Variants in MIPEP observed in about 807,000 individuals in gnomAD.
MIPEP encodes the protein mitochondrial intermediate peptidase.
A neutral mutation model predicts 90.3 loss-of-function variants in MIPEP; 79 were observed. That is an observed-to-expected ratio of 0.87 (90% CI 0.73 to 1.05). The LOEUF (loss-of-function observed/expected upper bound fraction) is 1.05. MIPEP is among the 50% of genes least tolerant of loss of function. MIPEP has a pLI of 0.00. For synonymous variants in MIPEP, 334 were observed against 315.8 expected (o/e 1.06, Z -0.61); for missense variants, 940 against 905.6 (o/e 1.04, Z -0.49).
chr13:23,889,283 C>G lies in MIPEP; in HGVS notation c.38G>C (p.Arg13Thr). 7.3e-7 allele frequency: 1 copy of G among 1,373,498 alleles called. No homozygotes were observed. Among genetic ancestry groups the G allele is most frequent in the Admixed American group, 3.7e-5 (1 of 26,724 alleles). The allele number at this position is 1,373,498 out of a possible 1,614,324, so 85.1% of individuals were successfully genotyped here. A position where few individuals can be genotyped will look rare whatever the true frequency, so the allele number is the denominator to read the frequency against. The change falls in exon 1 of 19, where the codon AGA becomes ACA. Residue 13 changes from arginine (R) to threonine (T), a missense_variant. Arg to Thr is a moderately conservative substitution (Grantham distance 71, BLOSUM62 -1). Transcript: ENST00000382172. ...CVGRLGGLGA[R>T]AAALPPRRAG... is the part of the protein sequence containing the mutation. ...CCGGCGGGGCGGCAGAGCTGCTGCT[C>G]TGGCTCCCAAGCCGCCCAGCCTTCC...
intron 18 of MIPEP, chr13:23,747,429 T>TATA (rs1952394779): frequency 2.3e-6 from 1 of 426,294 alleles, no homozygotes. Context: ...GTCCCCTACT[T>TATA]ATTATGCCTG....
At chr13:23,822,815 A>G (rs1203221402) in intron 14 of MIPEP, among the ~76,000 whole-genome samples, 2 of 151,870 alleles carry the variant, frequency 1.3e-5, no homozygotes, top group Non-Finnish European at 2.9e-5. Context: ...TTTTTCCTAA[A>G]TATGGATTGT....
intron 10 of MIPEP, among the ~76,000 whole-genome samples, chr13:23,849,659 C>T (rs1221623937): frequency 1.3e-5 from 2 of 152,180 alleles, no homozygotes; most frequent in African/African-American, 4.8e-5. Flanking sequence ...AAATTAAGAA[C>T]AATAGAATTT....
chr13:23,795,610 A>G (rs1223538813), intron 16 of MIPEP, among the ~76,000 whole-genome samples: 1 of 152,234 alleles, frequency 6.6e-6, no homozygotes, highest in Non-Finnish European at 1.5e-5. Context: ...CTTTTAAGGT[A>G]AAATCATTAT....
rs75309627 is a variant in MIPEP, at chr13:23,865,095, T to C, written c.944-906A>G. Among the ~76,000 whole-genome samples the C allele has an allele frequency of 7.7e-3, 1,174 of 152,310 alleles. 15 individuals are homozygous for C. Among genetic ancestry groups the C allele is most frequent in the African/African-American group, 0.027 (1,114 of 41,560 alleles). On this transcript the variant is annotated intron_variant, in intron 7 of 18. Transcript: ENST00000382172. ...TTTATTAAAATACTTCTGCCATAGT[T>C]GTCATAATTTACAAACCCATAAAGG... is the stretch of plus-strand genomic sequence containing the variant.
chr13:23,799,329 G>GT (rs1953007134), intron 16 of MIPEP, among the ~76,000 whole-genome samples: 2 of 145,568 alleles, frequency 1.4e-5, no homozygotes, highest in African/African-American at 5.1e-5. Context: ...TAATTTTTTT[G>GT]TTTTTGTTTT....
At chr13:23,885,291 C>A (rs867618126) in intron 2 of MIPEP, among the ~76,000 whole-genome samples, 6 of 152,062 alleles carry the variant, frequency 3.9e-5, no homozygotes, top group Admixed American at 6.6e-5. Flanking sequence ...TTACCAGAGG[C>A]TAGGTAGGGT....
At chr13:23,831,136 T>C (rs537697849) in intron 14 of MIPEP, among the ~76,000 whole-genome samples, 7 of 152,102 alleles carry the variant, frequency 4.6e-5, no homozygotes, top group African/African-American at 1.7e-4. Context: ...CTGGGGAAAA[T>C]TCAGTCTGAG....
At chr13:23,736,456 G>C (rs1167403627) in intron 18 of MIPEP, among the ~76,000 whole-genome samples, 1 of 152,080 alleles carries the variant, frequency 6.6e-6, no homozygotes, top group Non-Finnish European at 1.5e-5. Flanking sequence ...AAGAAAAGAT[G>C]GTACAAGCCA....
intron 8 of MIPEP, among the ~76,000 whole-genome samples, chr13:23,862,996 A>C (rs1376358575): frequency 6.6e-6 from 1 of 152,226 alleles, no homozygotes; most frequent in Non-Finnish European, 1.5e-5. Flanking sequence ...TATCAAAGAC[A>C]CAGTGGTTCA....
intron 16 of MIPEP, among the ~76,000 whole-genome samples, chr13:23,780,251 C>T (rs971117956): frequency 1.3e-5 from 2 of 152,186 alleles, no homozygotes; most frequent in African/African-American, 4.8e-5. Context: ...CCCTCTGAGA[C>T]GAAGCTTCCA....
chr13:23,871,693 T>C (rs1870814962), intron 5 of MIPEP, among the ~76,000 whole-genome samples: 1 of 152,224 alleles, frequency 6.6e-6, no homozygotes, highest in African/African-American at 2.4e-5. Context: ...AAAAATTGAG[T>C]ATATATCAAT....
rs1347896790 is a variant in MIPEP at position 23,749,313 on chromosome 13, A to G, written c.2044+7232T>C. 9.2e-5 allele frequency among the ~76,000 whole-genome samples: 14 copies of G among 152,344 alleles called. No individual in the cohort carries two copies. The East Asian group carries it at 2.5e-3, about 27-fold the overall frequency. ...ATTGTGCAAATAACACCAATAGCAAAGCCTTGCACTAAGCATGTTTTGCCT... is the reference window on the plus strand; with the variant it reads ...ATTGTGCAAATAACACCAATAGCAAGGCCTTGCACTAAGCATGTTTTGCCT... On this transcript the variant is annotated intron_variant, in intron 18 of 18. Transcript: ENST00000382172.
At position 23,863,421 on chromosome 13, in the gene MIPEP, T is replaced by C. The variant is rs558302001; in HGVS notation, c.992+720A>G. ...TACAAGTGGAAAATTCCACATGTGA[T>C]GTCATGTGATAGGTTGCAGCCAAAA... On this transcript the variant is annotated intron_variant, in intron 8 of 18. Transcript: ENST00000382172. Among the ~76,000 whole-genome samples, 31 of 152,318 alleles carry C rather than the reference T, an allele frequency of 2.0e-4. No individual in the cohort carries two copies. The South Asian group carries it at 5.8e-3, about 28-fold the overall frequency.
At chr13:23,826,792 GAAAC>G (rs1868472014) in intron 14 of MIPEP, among the ~76,000 whole-genome samples, 1 of 152,126 alleles carries the variant, frequency 6.6e-6, no homozygotes, top group South Asian at 2.1e-4. Flanking sequence ...GTAACAAACT[GAAAC>G]AAACAAAATA....
intron 16 of MIPEP, 51 bp downstream of exon 16, chr13:23,805,899 T>C: frequency 6.3e-7 from 1 of 1,586,150 alleles, no homozygotes; most frequent in Non-Finnish European, 8.6e-7. Flanking sequence ...GCTACAGAAG[T>C]AATAGCAGAA....
chr13:23,772,618 G>A (rs142829980), intron 16 of MIPEP, among the ~76,000 whole-genome samples: 73 of 152,290 alleles, frequency 4.8e-4, no homozygotes, highest in African/African-American at 1.7e-3. Context: ...GAAGGTTTGA[G>A]GTGTAATGTT....
chr13:23,851,953 A>T (rs1869818137), intron 10 of MIPEP, among the ~76,000 whole-genome samples: 1 of 152,216 alleles, frequency 6.6e-6, no homozygotes, highest in Non-Finnish European at 1.5e-5. Flanking sequence ...GTGAGTTATT[A>T]TATGTAACAT....
chr13:23,854,558 T>C (rs989510578), intron 10 of MIPEP, among the ~76,000 whole-genome samples: 1 of 152,096 alleles, frequency 6.6e-6, no homozygotes, highest in Non-Finnish European at 1.5e-5. Context: ...GAATAGACAA[T>C]ACTGAATTCC....
Sources: gnomAD v4.1 joint callset for allele counts (sites outside exome capture counted in the v4.1 genomes callset) on GRCh38, gnomAD v4.1.1 for gene constraint, MANE v1.5 for transcripts, NCBI Gene and HGNC (gene_info 2026-07-23, HGNC 2026-07-21) for gene names.